AFG2A: variants seen among roughly 807,000 people sequenced by gnomAD.
The protein encoded by AFG2A is ATPase family gene 2 protein homolog A.
the AFG2A span, among the ~76,000 whole-genome samples, chr4:123,231,145 A>G: frequency 1.3e-5 from 2 of 151,998 alleles, no homozygotes; most frequent in Non-Finnish European, 2.9e-5. Context: ...TTTTGAAGCC[A>G]GGCATTGATT....
the AFG2A span, among the ~76,000 whole-genome samples, chr4:123,180,685 C>T: frequency 1.3e-5 from 2 of 152,170 alleles, no homozygotes; most frequent in Non-Finnish European, 2.9e-5. Context: ...TACCTTAAAA[C>T]ATTTCAGTAT....
the AFG2A span, among the ~76,000 whole-genome samples, chr4:123,096,662 T>C: frequency 5.3e-5 from 8 of 152,112 alleles, no homozygotes; most frequent in Non-Finnish European, 1.0e-4. Context: ...TATTAAATTA[T>C]AAGCATTATC....
At chr4:123,144,767 A>G in the AFG2A span, among the ~76,000 whole-genome samples, 27 of 152,098 alleles carry the variant, frequency 1.8e-4, no homozygotes, top group Admixed American at 1.8e-3. Flanking sequence ...TAAAATTTTC[A>G]GAGTCATAGG....
At chr4:123,126,251 A>G in the AFG2A span, among the ~76,000 whole-genome samples, 76 of 152,250 alleles carry the variant, frequency 5.0e-4, 1 homozygote, top group African/African-American at 1.6e-3. Flanking sequence ...ATCTAAAACC[A>G]TGCTCATTAC....
At chr4:122,943,482 T>G in the AFG2A span, among the ~76,000 whole-genome samples, 1 of 152,250 alleles carries the variant, frequency 6.6e-6, no homozygotes, top group South Asian at 2.1e-4. Context: ...GTTTTCCATT[T>G]GCTTGGTAGA....
chr4:123,304,451 G>A, the AFG2A span, among the ~76,000 whole-genome samples: 1 of 152,164 alleles, frequency 6.6e-6, no homozygotes, highest in Non-Finnish European at 1.5e-5. Context: ...TCGCAAGGCT[G>A]TGAAAGTGAA....
At chr4:123,061,959 G>A in the AFG2A span, among the ~76,000 whole-genome samples, 1 of 152,116 alleles carries the variant, frequency 6.6e-6, no homozygotes, top group Admixed American at 6.6e-5. Flanking sequence ...CCAGATGGGA[G>A]GTAGAATATG....
At chr4:123,281,185 TAAAGGGAA>T in the AFG2A span, among the ~76,000 whole-genome samples, 2 of 151,948 alleles carry the variant, frequency 1.3e-5, no homozygotes, top group Admixed American at 1.3e-4. Context: ...ATTTTGTGGA[TAAAGGGAA>T]AAAGGGTAGG....
chr4:123,284,613 C>T, the AFG2A span, among the ~76,000 whole-genome samples: 291 of 152,060 alleles, frequency 1.9e-3, 4 homozygotes, highest in African/African-American at 6.2e-3. Context: ...GGAGAAGTTC[C>T]GAAGTTTTTG....
the AFG2A span, among the ~76,000 whole-genome samples, chr4:123,008,616 CTT>C: frequency 6.6e-6 from 1 of 152,100 alleles, no homozygotes; most frequent in Non-Finnish European, 1.5e-5. Flanking sequence ...TTCATGTACT[CTT>C]TAGAGAACTG....
At chr4:122,961,774 G>C in the AFG2A span, among the ~76,000 whole-genome samples, 4 of 152,170 alleles carry the variant, frequency 2.6e-5, no homozygotes, top group Non-Finnish European at 5.9e-5. Context: ...CAAAGTGCTG[G>C]GATTACAAGC....
the AFG2A span, among the ~76,000 whole-genome samples, chr4:123,281,022 T>A: frequency 1.2e-4 from 18 of 152,190 alleles, no homozygotes; most frequent in Admixed American, 1.1e-3. Context: ...TTCTTTTTTT[T>A]AATGTTATTT....
chr4:122,931,360 C>T, the AFG2A span, among the ~76,000 whole-genome samples: 1 of 151,986 alleles, frequency 6.6e-6, no homozygotes, highest in Non-Finnish European at 1.5e-5. Context: ...ATAGTTGATT[C>T]TCATTATTTG....
At chr4:123,122,467 T>G in the AFG2A span, among the ~76,000 whole-genome samples, 1 of 152,232 alleles carries the variant, frequency 6.6e-6, no homozygotes, top group African/African-American at 2.4e-5. Flanking sequence ...TGTAATTAAT[T>G]GAATACTGTA....
the AFG2A span, among the ~76,000 whole-genome samples, chr4:123,109,310 C>G: frequency 1.3e-5 from 2 of 152,112 alleles, no homozygotes; most frequent in Non-Finnish European, 2.9e-5. Flanking sequence ...CTACTGTGCT[C>G]TATGCCTGTG....
At chr4:123,165,941 C>T in the AFG2A span, among the ~76,000 whole-genome samples, 13 of 152,188 alleles carry the variant, frequency 8.5e-5, no homozygotes, top group African/African-American at 2.9e-4. Context: ...TTAATATCTG[C>T]TCACTATTCC....
the AFG2A span, among the ~76,000 whole-genome samples, chr4:122,944,469 C>T: frequency 2.6e-5 from 4 of 152,306 alleles, no homozygotes; most frequent in South Asian, 6.2e-4. Flanking sequence ...GTTCTCGAGC[C>T]TTGGCTTTCA....
the AFG2A span, among the ~76,000 whole-genome samples, chr4:123,015,416 T>C: frequency 6.6e-6 from 1 of 151,988 alleles, no homozygotes; most frequent in Non-Finnish European, 1.5e-5. Context: ...CAAGCATCTG[T>C]TTAACAAAGC....
chr4:123,191,046 T>C, the AFG2A span, among the ~76,000 whole-genome samples: 5 of 152,212 alleles, frequency 3.3e-5, no homozygotes, highest in Admixed American at 6.5e-5. Flanking sequence ...GCACTTTTCA[T>C]GGACTGCTAA....
Sources: allele counts gnomAD v4.1 joint callset (sites outside exome capture counted in the v4.1 genomes callset), GRCh38; gene constraint gnomAD v4.1.1; transcripts MANE v1.5; gene names NCBI Gene and HGNC (gene_info 2026-07-23, HGNC 2026-07-21).